Variants in EXOC5 observed in about 807,000 individuals in gnomAD.
EXOC5 encodes exocyst complex component 5.
In EXOC5, 17 loss-of-function variants were observed where a neutral mutation model predicts 90.8. That is an observed-to-expected ratio of 0.19 (90% CI 0.13 to 0.28). The LOEUF is 0.28. Ranked by LOEUF, EXOC5 falls within the 10% of genes least tolerant of loss-of-function variation. The pLI is 1.00. For missense variants in EXOC5, 569 were observed against 830.6 expected (o/e 0.69, Z 3.87); for synonymous variants, 260 against 270.0 (o/e 0.96, Z 0.36).
intron 12 of EXOC5, among the ~76,000 whole-genome samples, chr14:57,224,452 T>G (rs975974558): frequency 3.3e-5 from 5 of 152,214 alleles, no homozygotes; most frequent in African/African-American, 1.2e-4. Context: ...TATAATTTTA[T>G]TCCAACAAAT....
intron 17 of EXOC5, among the ~76,000 whole-genome samples, chr14:57,209,326 G>A (rs1347324491): frequency 6.6e-6 from 1 of 151,226 alleles, no homozygotes; most frequent in Admixed American, 6.6e-5. Context: ...AGGAGTAAGA[G>A]ACCAGCCTGG....
At position 57,268,869 on chromosome 14, in the gene EXOC5, T is replaced by C. The variant is rs928892597; in HGVS notation, c.-221A>G. On this transcript the variant is annotated 5_prime_UTR_variant, in exon 1 of 18. Coordinates refer to ENST00000621441, the MANE Select transcript of EXOC5 (RefSeq NM_006544.4). ...TGCCTCCCGGCGCCGCCCGCGCTGCTCCCATTGTCACCGCCTCATACGCCG... is the reference window on the plus strand; with the variant it reads ...TGCCTCCCGGCGCCGCCCGCGCTGCCCCCATTGTCACCGCCTCATACGCCG... 2.4e-6 allele frequency: 3 copies of C among 1,244,234 alleles called. No individual in the cohort carries two copies. Among genetic ancestry groups the C allele is most frequent in the Non-Finnish European group, 3.2e-6 (3 of 942,212 alleles). The allele number at this position is 1,244,234 out of a possible 1,614,324, so 77.1% of individuals were successfully genotyped here.
intron 10 of EXOC5, chr14:57,232,401 T>TTAG: frequency 4.3e-6 from 1 of 233,504 alleles, no homozygotes; most frequent in Non-Finnish European, 8.2e-6. Flanking sequence ...CTTTTGCAGT[T>TTAG]TCTAAAGTTT....
chr14:57,215,664 T>C (rs1488466436), intron 15 of EXOC5, among the ~76,000 whole-genome samples: 7 of 151,722 alleles, frequency 4.6e-5, no homozygotes, highest in Admixed American at 3.9e-4. Flanking sequence ...TGAAGGAATA[T>C]ACCTAAAGAT....
intron 1 of EXOC5, 78 bp from the exon 2 acceptor site, chr14:57,247,790 C>A: frequency 1.6e-6 from 1 of 625,208 alleles, no homozygotes; most frequent in Non-Finnish European, 2.6e-6. Context: ...AAAACAGCTT[C>A]TACTAGGTAA....
At chr14:57,261,903 C>T (rs1181105052) in intron 1 of EXOC5, among the ~76,000 whole-genome samples, 2 of 152,192 alleles carry the variant, frequency 1.3e-5, no homozygotes, top group Non-Finnish European at 1.5e-5. Context: ...CTTCTATAGT[C>T]ATAGGCCTGT....
chr14:57,240,875 CAG>C (rs1883838990), intron 4 of EXOC5, among the ~76,000 whole-genome samples: 2 of 151,854 alleles, frequency 1.3e-5, no homozygotes, highest in African/African-American at 4.8e-5. Flanking sequence ...TTTTTTGAGA[CAG>C]AGTCTTGCTC....
intron 11 of EXOC5, among the ~76,000 whole-genome samples, chr14:57,230,290 G>T (rs1451775849): frequency 6.6e-6 from 1 of 152,066 alleles, no homozygotes; most frequent in African/African-American, 2.4e-5. Flanking sequence ...ATTTATTCAT[G>T]ATATTAAAGA....
In EXOC5 at chr14:57,202,895, T is replaced by C. The variant is rs1170663317; in HGVS notation, c.*5714A>G. 1 of 152,174 alleles carries C rather than the reference T, an allele frequency of 6.6e-6. No homozygotes were observed. Among genetic ancestry groups the C allele is most frequent in the African/African-American group, 2.4e-5 (1 of 41,464 alleles). 9.4% of individuals were successfully genotyped at this position (152,174 alleles called of 1,614,324 possible). On this transcript the variant is annotated 3_prime_UTR_variant, in exon 18 of 18. Transcript: ENST00000621441. ...CTATAAAAATAACTTCTCCCCCTTG[T>C]GGCAAAAATTGAAAATACATTCTAC...
At chr14:57,265,004 G>T (rs1728639224) in intron 1 of EXOC5, among the ~76,000 whole-genome samples, 1 of 151,998 alleles carries the variant, frequency 6.6e-6, no homozygotes, top group South Asian at 2.1e-4. Context: ...AAAAAAGAAA[G>T]AAAACAGTCT....
intron 1 of EXOC5, among the ~76,000 whole-genome samples, chr14:57,257,976 CA>C (rs756415146): frequency 1.1e-4 from 16 of 152,204 alleles, no homozygotes; most frequent in Non-Finnish European, 1.9e-4. Flanking sequence ...ATTACCAAGC[CA>C]AAACAAAAAT....
rs543272269 is a variant in EXOC5, at chr14:57,225,366, T to A, written c.1297-2950A>T. Among the ~76,000 whole-genome samples the A allele has an allele frequency of 3.3e-5, 5 of 152,242 alleles. No individual in the cohort carries two copies. The South Asian group carries it at 6.2e-4, about 19-fold the overall frequency. Reference sequence around the variant, plus strand: ...AAAGAACATCTATGAAAAACCCAATTAGTATCATACTTAATGGTGAACGAT... The same window carrying A: ...AAAGAACATCTATGAAAAACCCAATAAGTATCATACTTAATGGTGAACGAT... On this transcript the variant is annotated intron_variant, in intron 12 of 17. Coordinates refer to ENST00000621441, the MANE Select transcript of EXOC5 (RefSeq NM_006544.4).
intron 1 of EXOC5, among the ~76,000 whole-genome samples, chr14:57,254,596 C>T (rs1884293355): frequency 6.6e-6 from 1 of 152,072 alleles, no homozygotes; most frequent in African/African-American, 2.4e-5. Context: ...AGTAGAGAGG[C>T]ATATGGACTA....
rs968864668 is a variant in EXOC5 at position 57,202,954 on chromosome 14, C to G, written c.*5655G>C. ...TTAAGAGAGGCACTTAGGTATTATT[C>G]CTTATAAAATATTTTCACATAACTT... On this transcript the variant is annotated 3_prime_UTR_variant, in exon 18 of 18. Transcript: ENST00000621441. The G allele has an allele frequency of 2.6e-5, 4 of 152,108 alleles. No individual in the cohort carries two copies. The highest frequency in any genetic ancestry group is 9.7e-5 in the African/African-American group (4 of 41,420). 9.4% of individuals were successfully genotyped at this position (152,108 alleles called of 1,614,324 possible).
At chr14:57,238,187 ATC>A (rs1883723306) in intron 5 of EXOC5, among the ~76,000 whole-genome samples, 1 of 149,096 alleles carries the variant, frequency 6.7e-6, no homozygotes, top group Non-Finnish European at 1.5e-5. Flanking sequence ...AAAAAATTGA[ATC>A]TATTTAGGAT....
At chr14:57,209,331 G>C (rs1021452598) in intron 17 of EXOC5, among the ~76,000 whole-genome samples, 3 of 151,550 alleles carry the variant, frequency 2.0e-5, no homozygotes, top group African/African-American at 7.3e-5. Context: ...TAAGAGACCA[G>C]CCTGGGCAAC....
At chr14:57,268,367 A>C in intron 1 of EXOC5, 2 of 997,802 alleles carry the variant, frequency 2.0e-6, no homozygotes, top group South Asian at 3.4e-5. Context: ...AAACAAAAGC[A>C]ACCCTCCTCC....
chr14:57,262,554 G>A (rs932583334), intron 1 of EXOC5, among the ~76,000 whole-genome samples: 3 of 147,492 alleles, frequency 2.0e-5, no homozygotes, highest in African/African-American at 7.6e-5. Flanking sequence ...GTGTGTGTGT[G>A]TGTGTGTGTG....
chr14:57,268,794 A>T lies in EXOC5; in HGVS notation c.-146T>A. ...GGCTCCCCAGCTCCCCACAGATCCC[A>T]GGAGGGGCGGGAGAGCGGCCATGAA... is the stretch of plus-strand genomic sequence containing the variant. On this transcript the variant is annotated 5_prime_UTR_variant, in exon 1 of 18. Transcript: ENST00000621441. 1 of 1,408,902 alleles carries T rather than the reference A, an allele frequency of 7.1e-7. No homozygotes were observed. Among genetic ancestry groups the T allele is most frequent in the Non-Finnish European group, 9.2e-7 (1 of 1,088,518 alleles). The allele number at this position is 1,408,902 out of a possible 1,614,324, so 87.3% of individuals were successfully genotyped here.
Sources: allele counts gnomAD v4.1 joint callset (sites outside exome capture counted in the v4.1 genomes callset), GRCh38; gene constraint gnomAD v4.1.1; transcripts MANE v1.5; gene names NCBI Gene and HGNC (gene_info 2026-07-23, HGNC 2026-07-21).